Variants in DTNB observed in about 807,000 individuals in gnomAD.
The protein encoded by DTNB is DTN-B.
In DTNB, 63 loss-of-function variants were observed where a neutral mutation model predicts 90.7. The ratio of observed to expected loss-of-function variants is 0.69; its 90% CI spans 0.57 to 0.86. The LOEUF is 0.86. Ranked by LOEUF, DTNB falls within the 40% of genes least tolerant of loss-of-function variation. DTNB has a pLI of 0.00. For synonymous variants in DTNB, 277 were observed against 286.7 expected, an observed-to-expected ratio of 0.97 and a Z score of 0.34; for missense variants, 744 against 807.1, an observed-to-expected ratio of 0.92 and a Z score of 0.95.
chr2:25,661,715 T>C (rs2149009359), intron 1 of DTNB, among the ~76,000 whole-genome samples: 1 of 152,292 alleles, frequency 6.6e-6, no homozygotes, highest in East Asian at 1.9e-4. Flanking sequence ...TTTACAAAAA[T>C]ATAATTTACC....
At chr2:25,670,246 G>C (rs1391249660) in intron 1 of DTNB, among the ~76,000 whole-genome samples, 2 of 152,136 alleles carry the variant, frequency 1.3e-5, no homozygotes, top group Non-Finnish European at 2.9e-5. Context: ...AAAAAACTCT[G>C]CTCTTTTTTT....
At chr2:25,634,817 G>A (rs1324410244) in intron 3 of DTNB, among the ~76,000 whole-genome samples, 1 of 112,336 alleles carries the variant, frequency 8.9e-6, no homozygotes, top group Non-Finnish European at 2.1e-5. Flanking sequence ...TGGATTAAGG[G>A]CGGTGCAAGA....
At chr2:25,609,363 C>T (rs779013871) in intron 4 of DTNB, among the ~76,000 whole-genome samples, 6 of 152,086 alleles carry the variant, frequency 3.9e-5, no homozygotes, top group Non-Finnish European at 7.4e-5. Flanking sequence ...CTTTGGGAGG[C>T]CGAGGCAGGC....
Position 25,526,370 on chromosome 2 carries a change from T to TAA in DTNB, c.1001+5102_1001+5103insTT, listed in dbSNP as rs1553487527. Among the ~76,000 whole-genome samples, 82 of 56,482 alleles carry TAA rather than the reference T, an allele frequency of 1.5e-3. 1 individual carries two copies. The highest frequency in any genetic ancestry group is 5.3e-3 in the African/African-American group (68 of 12,782). 37.1% of individuals were successfully genotyped at this position (56,482 alleles called of 152,430 possible). A position where few individuals can be genotyped will look rare whatever the true frequency, so the allele number is the denominator to read the frequency against. On this transcript the variant is annotated intron_variant, in intron 9 of 20. Coordinates refer to ENST00000406818, the MANE Select transcript of DTNB (RefSeq NM_021907.5). ...ACTTATAAATATATATAAATATATA[T>TAA]ATATATATATATATATATATATATA...
chr2:25,432,206 TACACACACACACACACACACACAC>T (rs60610400), intron 14 of DTNB, among the ~76,000 whole-genome samples: 2 of 146,320 alleles, frequency 1.4e-5, no homozygotes, highest in Admixed American at 6.8e-5. Context: ...GAAGAGTGCG[TACACACACACACACACACACACAC>T]ACACACACAC....
chr2:25,568,357 G>A (rs942191266), intron 8 of DTNB, among the ~76,000 whole-genome samples: 3 of 152,106 alleles, frequency 2.0e-5, no homozygotes, highest in African/African-American at 7.2e-5. Flanking sequence ...TAGGAGCTTG[G>A]GAGGGAGGGA....
chr2:25,528,190 T>G (rs984658201), intron 9 of DTNB, among the ~76,000 whole-genome samples: 4 of 151,962 alleles, frequency 2.6e-5, no homozygotes, highest in African/African-American at 4.8e-5. Flanking sequence ...AAAAACTCTT[T>G]GATAAAATTC....
At position 25,379,471 on chromosome 2, in the gene DTNB, G is replaced by C; in HGVS notation, c.1880-148C>G. 5 of 1,020,344 alleles carry C rather than the reference G, an allele frequency of 4.9e-6. No homozygotes were observed. The South Asian group carries it at 1.5e-4, about 31-fold the overall frequency. The allele number at this position is 1,020,344 out of a possible 1,614,324, so 63.2% of individuals were successfully genotyped here. A position where few individuals can be genotyped will look rare whatever the true frequency, so the allele number is the denominator to read the frequency against. On this transcript the variant is annotated intron_variant, in intron 19 of 20. Transcript: ENST00000406818. The stretch of plus-strand genomic sequence containing the variant: ...CTCGTTTGTTGACTTTTCCCACCCA[G>C]GTATGACAGCAGGGTAGAGTCATAC...
chr2:25,410,360 A>G (rs2046290433), intron 16 of DTNB, among the ~76,000 whole-genome samples: 1 of 152,130 alleles, frequency 6.6e-6, no homozygotes, highest in Non-Finnish European at 1.5e-5. Flanking sequence ...CACACACCCC[A>G]AAGCTACTTT....
intron 16 of DTNB, among the ~76,000 whole-genome samples, chr2:25,392,137 G>A (rs1051681771): frequency 1.3e-5 from 2 of 152,088 alleles, no homozygotes; most frequent in East Asian, 1.9e-4. Context: ...GGCCAGGCAC[G>A]GTGGCTCACG....
intron 16 of DTNB, among the ~76,000 whole-genome samples, chr2:25,409,009 G>A (rs1367663642): frequency 1.3e-5 from 2 of 152,180 alleles, no homozygotes; most frequent in East Asian, 3.8e-4. Context: ...TGGAGACATG[G>A]CCAAGAATCA....
chr2:25,570,406 CA>C (rs146251976), intron 8 of DTNB, among the ~76,000 whole-genome samples: 16,256 of 88,236 alleles, frequency 0.18, 284 homozygotes, highest in East Asian at 0.27. Flanking sequence ...TTTCCTGTCT[CA>C]AAAAAAAAAA....
chr2:25,527,896 CA>C, intron 9 of DTNB, among the ~76,000 whole-genome samples: 1 of 152,074 alleles, frequency 6.6e-6, no homozygotes, highest in Non-Finnish European at 1.5e-5. Context: ...AATGCTCCCC[CA>C]TTTTGCAAGA....
chr2:25,505,564 G>T (rs371827131), intron 9 of DTNB, among the ~76,000 whole-genome samples: 14 of 152,114 alleles, frequency 9.2e-5, no homozygotes, highest in African/African-American at 1.4e-4. Flanking sequence ...AGGTTTACAT[G>T]GTTGAGTTAG....
At chr2:25,446,638 A>G (rs766929508) in intron 12 of DTNB, among the ~76,000 whole-genome samples, 5 of 152,100 alleles carry the variant, frequency 3.3e-5, no homozygotes, top group Non-Finnish European at 7.3e-5. Context: ...TCCCTTGTAG[A>G]TAAAGTAACG....
At chr2:25,465,434 G>A (rs1488296359) in intron 10 of DTNB, among the ~76,000 whole-genome samples, 3 of 151,664 alleles carry the variant, frequency 2.0e-5, no homozygotes, top group Non-Finnish European at 4.4e-5. Flanking sequence ...GGAACTTACT[G>A]TACTACTTTT....
intron 8 of DTNB, among the ~76,000 whole-genome samples, chr2:25,572,258 G>A (rs2059980704): frequency 6.6e-6 from 1 of 152,138 alleles, no homozygotes; most frequent in Admixed American, 6.5e-5. Flanking sequence ...ACGAGGTCAG[G>A]AGATCAAGAC....
At position 25,418,975 on chromosome 2, in the gene DTNB, C is replaced by T. The variant is rs570267487; in HGVS notation, c.1575+540G>A. On this transcript the variant is annotated intron_variant, in intron 16 of 20. Transcript: ENST00000406818. Reference sequence around the variant, plus strand: ...ACACAGCTCAGAAAAACCCGAGCTCCGTCTGGAGTAGGTTCTGAACAGGAA... The same window carrying T: ...ACACAGCTCAGAAAAACCCGAGCTCTGTCTGGAGTAGGTTCTGAACAGGAA... The T allele has an allele frequency of 6.4e-5, 10 of 155,428 alleles. No homozygotes were observed. In the South Asian group the frequency reaches 1.2e-3, roughly 18 times the overall value. 9.6% of individuals were successfully genotyped at this position (155,428 alleles called of 1,614,324 possible). A position where few individuals can be genotyped will look rare whatever the true frequency, so the allele number is the denominator to read the frequency against.
chr2:25,629,098 G>T, intron 3 of DTNB, among the ~76,000 whole-genome samples: 1 of 152,102 alleles, frequency 6.6e-6, no homozygotes, highest in Non-Finnish European at 1.5e-5. Context: ...ACAGAAAAGA[G>T]ACATTTCCTT....
Sources: gnomAD v4.1 joint callset for allele counts (sites outside exome capture counted in the v4.1 genomes callset) on GRCh38, gnomAD v4.1.1 for gene constraint, MANE v1.5 for transcripts, NCBI Gene and HGNC (gene_info 2026-07-23, HGNC 2026-07-21) for gene names.